PFKFB3: variants seen among roughly 807,000 people sequenced by gnomAD.
PFKFB3 encodes the protein 6-phosphofructo-2-kinase/fructose-2,6-biphosphatase 3.
In PFKFB3, 33 loss-of-function variants were observed where a neutral mutation model predicts 68.0. That is an observed-to-expected ratio of 0.49 (90% CI 0.37 to 0.65). The LOEUF (loss-of-function observed/expected upper bound fraction) is 0.65, where lower values mean the gene tolerates loss of function less well. PFKFB3 is among the 30% of genes least tolerant of loss of function. The pLI, the probability that PFKFB3 is intolerant of heterozygous loss-of-function variation, is 0.00. For missense variants in PFKFB3, 586 were observed against 712.2 expected (o/e 0.82, Z 2.02); for synonymous variants, 315 against 288.2 (o/e 1.09, Z -0.94).
At chr10:6,259,192 C>CATCCATCCATCT (rs796686715), downstream of PFKFB3, among the ~76,000 whole-genome samples, 3,586 of 142,258 alleles carry the variant, frequency 0.025, 80 homozygotes, top group African/African-American at 0.055. Context: ...TCTATCCATC[C>CATCCATCCATCT]ATCCATCCAT....
intron 1 of PFKFB3, among the ~76,000 whole-genome samples, chr10:6,209,994 C>T (rs1330243054): frequency 3.3e-5 from 5 of 149,430 alleles, no homozygotes; most frequent in Admixed American, 1.4e-4. Context: ...CCTTGTGATC[C>T]GCCCGCCTCG....
the PFKFB3 span, among the ~76,000 whole-genome samples, chr10:6,270,383 TG>T: frequency 6.6e-6 from 1 of 152,344 alleles, no homozygotes; most frequent in Non-Finnish European, 1.5e-5. Context: ...GGAATATTTT[TG>T]AGGTAACTGA....
chr10:6,256,005 A>C (rs1188948890), downstream of PFKFB3, among the ~76,000 whole-genome samples: 3 of 152,234 alleles, frequency 2.0e-5, no homozygotes, highest in East Asian at 5.8e-4. Flanking sequence ...GGCCAGGAAC[A>C]AGGGGCGTAG....
chr10:6,214,013 T>C (rs1844402307), intron 2 of PFKFB3, among the ~76,000 whole-genome samples: 1 of 152,182 alleles, frequency 6.6e-6, no homozygotes, highest in Non-Finnish European at 1.5e-5. Flanking sequence ...CAAAGCCATC[T>C]CCAGCCACCT....
At chr10:6,263,004 C>A in the PFKFB3 span, among the ~76,000 whole-genome samples, 2 of 151,980 alleles carry the variant, frequency 1.3e-5, no homozygotes, top group Admixed American at 1.3e-4. Flanking sequence ...AACCCAGCAG[C>A]GCTAGAGGAA....
intron 1 of PFKFB3, among the ~76,000 whole-genome samples, chr10:6,174,351 G>T (rs925261030): frequency 1.3e-5 from 2 of 152,206 alleles, no homozygotes; most frequent in African/African-American, 4.8e-5. Flanking sequence ...GTTCTTAGAA[G>T]AGTCCTCTCT....
chr10:6,223,110 G>C (rs1845083037), intron 11 of PFKFB3, 126 bp downstream of exon 11: 1 of 946,498 alleles, frequency 1.1e-6, no homozygotes, highest in Non-Finnish European at 1.5e-6. Flanking sequence ...GTTAGGAGAA[G>C]GGCACAGGTG....
chr10:6,258,057 C>T (rs934760831), downstream of PFKFB3, among the ~76,000 whole-genome samples: 5 of 152,252 alleles, frequency 3.3e-5, no homozygotes, highest in East Asian at 5.8e-4. Flanking sequence ...TAGAAGCAGA[C>T]GGCCTGCTTT....
At chr10:6,213,076 C>A (rs1844334941) in intron 1 of PFKFB3, among the ~76,000 whole-genome samples, 1 of 152,108 alleles carries the variant, frequency 6.6e-6, no homozygotes, top group Admixed American at 6.5e-5. Context: ...GGTTTAGCGC[C>A]CTGGGTATCA....
the PFKFB3 span, among the ~76,000 whole-genome samples, chr10:6,311,092 T>C: frequency 2.6e-5 from 4 of 152,202 alleles, no homozygotes; most frequent in Non-Finnish European, 5.9e-5. Flanking sequence ...CACTCTTCAC[T>C]AATGGGAATG....
the PFKFB3 span, among the ~76,000 whole-genome samples, chr10:6,309,208 A>G: frequency 6.6e-6 from 1 of 152,200 alleles, no homozygotes; most frequent in East Asian, 1.9e-4. Context: ...AAAATTGCAT[A>G]CCAACTGGGT....
At chr10:6,260,571 A>G in the PFKFB3 span, among the ~76,000 whole-genome samples, 1 of 152,142 alleles carries the variant, frequency 6.6e-6, no homozygotes, top group African/African-American at 2.4e-5. Flanking sequence ...TAGTTTTACC[A>G]TCTAAGCATG....
the PFKFB3 span, among the ~76,000 whole-genome samples, chr10:6,281,933 A>G: frequency 3.3e-5 from 5 of 151,606 alleles, no homozygotes; most frequent in African/African-American, 1.2e-4. Context: ...CAAAGAATAA[A>G]TCCTGAAGGA....
chr10:6,244,458 G>C (rs1432384642), intron 14 of PFKFB3, among the ~76,000 whole-genome samples: 1 of 152,136 alleles, frequency 6.6e-6, no homozygotes, highest in African/African-American at 2.4e-5. Flanking sequence ...AACACTAACC[G>C]TATTCCAATT....
intron 6 of PFKFB3, among the ~76,000 whole-genome samples, chr10:6,218,819 C>G (rs1201302174): frequency 6.6e-6 from 1 of 152,228 alleles, no homozygotes; most frequent in African/African-American, 2.4e-5. Context: ...GCAGGACTTT[C>G]TCATCTTCCC....
At chr10:6,145,619 T>C (rs10905899) in intron 1 of PFKFB3, among the ~76,000 whole-genome samples, 47,678 of 151,924 alleles carry the variant, frequency 0.31, 7,628 homozygotes, top group East Asian at 0.38. Context: ...AGTCCCACCT[T>C]TGCCCCTCCC....
the PFKFB3 span, among the ~76,000 whole-genome samples, chr10:6,269,894 G>C: frequency 2.0e-5 from 3 of 152,152 alleles, no homozygotes; most frequent in Non-Finnish European, 4.4e-5. Context: ...ACTTTGGGAG[G>C]CTGAGGCAGG....
chr10:6,174,690 G>A (rs1413938951), intron 1 of PFKFB3, among the ~76,000 whole-genome samples: 3 of 152,240 alleles, frequency 2.0e-5, no homozygotes, highest in African/African-American at 4.8e-5. Flanking sequence ...AGGAAGGTGC[G>A]CTCTGGTGGC....
intron 2 of PFKFB3, 99 bp downstream of exon 2, chr10:6,213,847 T>C: frequency 7.5e-7 from 1 of 1,340,266 alleles, no homozygotes; most frequent in East Asian, 2.3e-5. Context: ...TGGGCGCCTC[T>C]GTCCCCTGGT....
Sources: gnomAD v4.1 joint callset for allele counts (sites outside exome capture counted in the v4.1 genomes callset) on GRCh38, gnomAD v4.1.1 for gene constraint, MANE v1.5 for transcripts, NCBI Gene and HGNC (gene_info 2026-07-23, HGNC 2026-07-21) for gene names.